PDE4B: variants seen among roughly 807,000 people sequenced by gnomAD.
The protein encoded by PDE4B is phosphodiesterase 4B, also known as 3',5'-cyclic-AMP phosphodiesterase 4B.
A neutral mutation model predicts 82.2 loss-of-function variants in PDE4B; 20 were observed. That is an observed-to-expected ratio of 0.24 (90% CI 0.17 to 0.35). The LOEUF is 0.35. Ranked by LOEUF, PDE4B falls within the 10% of genes least tolerant of loss-of-function variation. The pLI is 1.00. For synonymous variants in PDE4B, 320 were observed against 318.9 expected (o/e 1.00, Z -0.04); for missense variants, 655 against 907.2 (o/e 0.72, Z 3.57).
At chr1:66,067,758 T>C (rs1262711697) in intron 3 of PDE4B, among the ~76,000 whole-genome samples, 1 of 152,138 alleles carries the variant, frequency 6.6e-6, no homozygotes, top group Non-Finnish European at 1.5e-5. Flanking sequence ...CATGAAGTCC[T>C]TGCCCATGCC....
chr1:66,088,996 G>A (rs555278784), intron 3 of PDE4B, among the ~76,000 whole-genome samples: 12 of 152,206 alleles, frequency 7.9e-5, no homozygotes, highest in African/African-American at 2.9e-4. Context: ...TAGACACGTA[G>A]TGAGAATGAG....
intron 3 of PDE4B, among the ~76,000 whole-genome samples, chr1:66,032,871 G>A (rs913877379): frequency 6.6e-6 from 1 of 151,668 alleles, no homozygotes; most frequent in Admixed American, 6.6e-5. Context: ...AGCCAGGATG[G>A]TCTCGATCTT....
At chr1:65,936,075 A>G (rs1296483674) in intron 3 of PDE4B, among the ~76,000 whole-genome samples, 3 of 152,066 alleles carry the variant, frequency 2.0e-5, no homozygotes, top group African/African-American at 7.2e-5. Context: ...TTTGTTAAAA[A>G]CGAAGACACA....
intron 1 of PDE4B, among the ~76,000 whole-genome samples, chr1:65,813,893 CA>C (rs5774766): frequency 0.4 from 41,499 of 103,224 alleles, 4,823 homozygotes; most frequent in Non-Finnish European, 0.43. Context: ...GGCACTGCGG[CA>C]AAAAAAAAAA....
intron 3 of PDE4B, among the ~76,000 whole-genome samples, chr1:66,110,432 T>C (rs1294366757): frequency 6.6e-6 from 1 of 152,014 alleles, no homozygotes; most frequent in Non-Finnish European, 1.5e-5. Flanking sequence ...AATGAACAGA[T>C]TCCACAAGTC....
chr1:66,129,001 A>G (rs1557581814), intron 3 of PDE4B, among the ~76,000 whole-genome samples: 2 of 152,214 alleles, frequency 1.3e-5, no homozygotes, highest in Admixed American at 6.5e-5. Flanking sequence ...CAGCCGAACC[A>G]TATCAGCAAA....
intron 1 of PDE4B, among the ~76,000 whole-genome samples, chr1:65,804,178 C>A (rs745507402): frequency 9.3e-5 from 14 of 151,030 alleles, no homozygotes; most frequent in Non-Finnish European, 1.8e-4. Flanking sequence ...TCTTTCATGT[C>A]AAATTTATGG....
At chr1:66,323,846 C>T (rs973907347) in intron 7 of PDE4B, among the ~76,000 whole-genome samples, 1 of 152,172 alleles carries the variant, frequency 6.6e-6, no homozygotes, top group Admixed American at 6.5e-5. Context: ...AATCACTGCT[C>T]TATATCCTTC....
In PDE4B at chr1:65,887,142, CTCCTT is replaced by C. The variant is rs1227777909; in HGVS notation, c.-70-26092_-70-26088del. ...CCTCCCTCCTTCCCTCCCTCTCTCCCTCCTTTCCTTTCCTTCCTTCCTTCCTTCCC... is the reference window on the plus strand; with the variant it reads ...CCTCCCTCCTTCCCTCCCTCTCTCCCTCCTTTCCTTCCTTCCTTCCTTCCC... On this transcript the variant is annotated intron_variant, in intron 1 of 16. Coordinates refer to ENST00000341517, the MANE Select transcript of PDE4B (RefSeq NM_002600.4). Among the ~76,000 whole-genome samples the C allele has an allele frequency of 6.1e-5, 9 of 148,066 alleles. No homozygotes were observed. In the East Asian group the frequency reaches 1.6e-3, roughly 26 times the overall value.
At chr1:66,345,890 T>C (rs568163711) in intron 8 of PDE4B, among the ~76,000 whole-genome samples, 26 of 152,294 alleles carry the variant, frequency 1.7e-4, no homozygotes, top group African/African-American at 5.8e-4. Flanking sequence ...AGAACAAAGT[T>C]GTCAGGGACC....
In PDE4B at chr1:66,136,391, T is replaced by G. The variant is rs1200289981; in HGVS notation, c.282-111069T>G. Among the ~76,000 whole-genome samples the G allele has an allele frequency of 2.0e-5, 3 of 152,050 alleles. No individual in the cohort carries two copies. In the South Asian group the frequency reaches 6.2e-4, roughly 32 times the overall value. On this transcript the variant is annotated intron_variant, in intron 3 of 16. Transcript: ENST00000341517. ...GATGAGATCCTTTTTCTTCCCACCT[T>G]CACCCTCGCAGTAAGAATGCTCACA...
Position 66,307,341 on chromosome 1 carries a change from A to G in PDE4B, c.635-25167A>G, listed in dbSNP as rs147100607. Among the ~76,000 whole-genome samples the G allele has an allele frequency of 4.6e-5, 7 of 152,238 alleles. No individual in the cohort carries two copies. The East Asian group carries it at 1.2e-3, about 25-fold the overall frequency. On this transcript the variant is annotated intron_variant, in intron 7 of 16. Transcript: ENST00000341517. The stretch of plus-strand genomic sequence containing the variant: ...GGAGAGCAAGAGGGTAAAGATGTAA[A>G]TGAGTGAGGATAGTACTGAAATTGG...
chr1:66,292,684 C>T (rs180814099), intron 7 of PDE4B, among the ~76,000 whole-genome samples: 18 of 152,258 alleles, frequency 1.2e-4, no homozygotes, highest in African/African-American at 3.4e-4. Flanking sequence ...AGTGAACACA[C>T]GTAATCCAAA....
At chr1:66,195,290 C>A (rs1169185335) in intron 3 of PDE4B, among the ~76,000 whole-genome samples, 1 of 152,120 alleles carries the variant, frequency 6.6e-6, no homozygotes, top group Non-Finnish European at 1.5e-5. Context: ...ACCTTGTGTT[C>A]ATTTCCCTAT....
intron 3 of PDE4B, among the ~76,000 whole-genome samples, chr1:65,952,988 A>G (rs573845870): frequency 2.0e-5 from 3 of 152,244 alleles, no homozygotes; most frequent in Middle Eastern, 6.8e-3. Flanking sequence ...ACTAGCTCTC[A>G]GGCCACCTCC....
chr1:66,104,141 A>C (rs548956834), intron 3 of PDE4B, among the ~76,000 whole-genome samples: 4 of 134,674 alleles, frequency 3.0e-5, no homozygotes, highest in Non-Finnish European at 6.1e-5. Flanking sequence ...TCCTGTGTCC[A>C]TGCGTTCTCG....
Position 65,808,409 on chromosome 1 carries a change from A to G in PDE4B, c.-71+15161A>G, listed in dbSNP as rs115807988. Among the ~76,000 whole-genome samples, 319 of 152,248 alleles carry G rather than the reference A, an allele frequency of 2.1e-3. 1 individual carries two copies. The highest frequency in any genetic ancestry group is 7.3e-3 in the African/African-American group (304 of 41,544). On this transcript the variant is annotated intron_variant, in intron 1 of 16. Coordinates refer to ENST00000341517, the MANE Select transcript of PDE4B (RefSeq NM_002600.4). ...GGTCTTGAACTTCTGGTCTCAAGCA[A>G]TTCTCCTGCCTCAGCTTCCCAAAGT...
chr1:65,823,583 C>T (rs1477365182), intron 1 of PDE4B, among the ~76,000 whole-genome samples: 3 of 152,048 alleles, frequency 2.0e-5, no homozygotes, highest in African/African-American at 4.8e-5. Context: ...TTACTGGTCT[C>T]TGAGCATCCA....
chr1:66,025,650 T>A (rs1390735384), intron 3 of PDE4B, among the ~76,000 whole-genome samples: 4 of 152,190 alleles, frequency 2.6e-5, no homozygotes, highest in African/African-American at 9.6e-5. Context: ...TCCATGTGAG[T>A]TTCCTAATTC....
Sources: allele counts gnomAD v4.1 joint callset (sites outside exome capture counted in the v4.1 genomes callset), GRCh38; gene constraint gnomAD v4.1.1; transcripts MANE v1.5; gene names NCBI Gene and HGNC (gene_info 2026-07-23, HGNC 2026-07-21).